Variants in MTPAP observed in about 807,000 individuals in gnomAD.
The protein encoded by MTPAP is mitochondrial poly(A) polymerase, also known as poly(A) RNA polymerase, mitochondrial.
MTPAP carries 23 observed loss-of-function variants against 48.7 expected under a neutral mutation model. That is an observed-to-expected ratio of 0.47 (90% CI 0.34 to 0.67). The LOEUF is 0.67. Among genes scored for constraint, MTPAP ranks in the 30% least tolerant of loss-of-function variants. The pLI, the probability that MTPAP is intolerant of heterozygous loss-of-function variation, is 0.01. For missense variants in MTPAP, 614 were observed against 694.3 expected, an observed-to-expected ratio of 0.88 and a Z score of 1.30; for synonymous variants, 257 against 254.1, an observed-to-expected ratio of 1.01 and a Z score of -0.11.
At chr10:30,322,843 A>C (rs926980041) in intron 5 of MTPAP, among the ~76,000 whole-genome samples, 1 of 152,170 alleles carries the variant, frequency 6.6e-6, no homozygotes, top group Non-Finnish European at 1.5e-5. Context: ...TAAAATTGAT[A>C]ATTAAAATGT....
Position 30,336,873 on chromosome 10 carries a change from A to G in MTPAP, c.710T>C (p.Phe237Ser). Residue 237 changes from phenylalanine (F) to serine (S), a missense_variant, in exon 4 of 9, where the codon TTT (phenylalanine) becomes TCT (serine). This residue lies in a region of MTPAP where 261 missense variants were observed against 355.4 expected (regional missense o/e 0.73). Transcript: ENST00000263063. ...VRPFGSSVNT[F>S]GKLGCDLDMF... The stretch of plus-strand genomic sequence containing the variant: ...GTCCAAATCACATCCTAACTTCCCA[A>G]AAGTGTTGACTGAGGAGCCAAAGGG... 3 of 1,612,908 alleles carry G rather than the reference A, an allele frequency of 1.9e-6. No homozygotes were observed. The highest frequency in any genetic ancestry group is 2.5e-6 in the Non-Finnish European group (3 of 1,180,020).
At chr10:30,339,170 A>C (rs1424780431) in intron 3 of MTPAP, among the ~76,000 whole-genome samples, 1 of 151,744 alleles carries the variant, frequency 6.6e-6, no homozygotes, top group Non-Finnish European at 1.5e-5. Context: ...AGACAAATAC[A>C]AACAATATTT....
At chr10:30,339,320 C>T (rs1363024938) in intron 3 of MTPAP, among the ~76,000 whole-genome samples, 1 of 151,864 alleles carries the variant, frequency 6.6e-6, no homozygotes, top group African/African-American at 2.4e-5. Context: ...AACTCCGTCA[C>T]TACTAAAAAT....
chr10:30,321,609 T>C (rs1035921646), intron 6 of MTPAP, among the ~76,000 whole-genome samples: 5 of 152,174 alleles, frequency 3.3e-5, no homozygotes, highest in Non-Finnish European at 5.9e-5. Flanking sequence ...CATGGAAAAC[T>C]GGGCCGTGTC....
In MTPAP at chr10:30,313,285, G is replaced by T; in HGVS notation, c.*324C>A. ...TTTATTTTCATTTTTTTTAGAGATG[G>T]AATCTTGCTATGTTGTCCACGATGG... On this transcript the variant is annotated 3_prime_UTR_variant, in exon 9 of 9. Transcript: ENST00000263063. The T allele has an allele frequency of 7.3e-6, 2 of 272,754 alleles. No homozygotes were observed. Among genetic ancestry groups the T allele is most frequent in the South Asian group, 6.1e-5 (1 of 16,510 alleles). The allele number at this position is 272,754 out of a possible 1,614,324, so 16.9% of individuals were successfully genotyped here. A position where few individuals can be genotyped will look rare whatever the true frequency, so the allele number is the denominator to read the frequency against.
At chr10:30,334,367 C>T (rs1834705094) in intron 4 of MTPAP, among the ~76,000 whole-genome samples, 1 of 152,016 alleles carries the variant, frequency 6.6e-6, no homozygotes, top group Non-Finnish European at 1.5e-5. Context: ...GGTAATTAAA[C>T]AATGTGGTTG....
intron 4 of MTPAP, among the ~76,000 whole-genome samples, chr10:30,330,180 T>C (rs919783417): frequency 6.6e-6 from 1 of 152,232 alleles, no homozygotes; most frequent in Admixed American, 6.5e-5. Flanking sequence ...TGATCTGTCA[T>C]TTAGATATTT....
chr10:30,345,453 G>T (rs1410951278), intron 1 of MTPAP, among the ~76,000 whole-genome samples: 2 of 152,080 alleles, frequency 1.3e-5, no homozygotes, highest in Non-Finnish European at 2.9e-5. Context: ...AAAGAGCAGG[G>T]ATTACATTTG....
intron 4 of MTPAP, among the ~76,000 whole-genome samples, chr10:30,327,844 TC>T (rs1834617287): frequency 1.7e-5 from 2 of 120,416 alleles, no homozygotes; most frequent in African/African-American, 5.9e-5. Context: ...AGACTCCATC[TC>T]AAAAAAAAAA....
chr10:30,326,902 C>T (rs1588715472), intron 4 of MTPAP, among the ~76,000 whole-genome samples: 1 of 152,284 alleles, frequency 6.6e-6, no homozygotes, highest in South Asian at 2.1e-4. Context: ...TTATGAACTA[C>T]AGTATAAAAT....
intron 8 of MTPAP, among the ~76,000 whole-genome samples, chr10:30,314,341 T>TA (rs1214569669): frequency 6.6e-6 from 1 of 152,128 alleles, no homozygotes; most frequent in African/African-American, 2.4e-5. Flanking sequence ...AAAAAATGAT[T>TA]AAAAAATCAG....
chr10:30,316,239 T>TG, intron 6 of MTPAP, 29 bp from the exon 7 acceptor site: 2 of 1,539,228 alleles, frequency 1.3e-6, no homozygotes, highest in Non-Finnish European at 1.8e-6. Flanking sequence ...ATATTTCACG[T>TG]GTTTTTTTTT....
At chr10:30,348,105 A>T (rs1415529588) in intron 1 of MTPAP, among the ~76,000 whole-genome samples, 1 of 152,218 alleles carries the variant, frequency 6.6e-6, no homozygotes, top group Non-Finnish European at 1.5e-5. Context: ...TACAAATGTT[A>T]AATTACAATA....
intron 1 of MTPAP, among the ~76,000 whole-genome samples, chr10:30,347,041 T>C (rs547239299): frequency 3.9e-5 from 6 of 152,356 alleles, no homozygotes; most frequent in African/African-American, 1.4e-4. Flanking sequence ...TTCTGGAGTT[T>C]GGTTACACAG....
chr10:30,342,226 ACT>A (rs976208561), intron 1 of MTPAP, among the ~76,000 whole-genome samples: 3 of 152,146 alleles, frequency 2.0e-5, no homozygotes, highest in African/African-American at 7.2e-5. Context: ...ACAGAGCGAG[ACT>A]CTGTCTCAAA....
intron 4 of MTPAP, among the ~76,000 whole-genome samples, chr10:30,330,570 G>A (rs923301661): frequency 6.6e-6 from 1 of 152,186 alleles, no homozygotes; most frequent in African/African-American, 2.4e-5. Context: ...AAAATGACAA[G>A]AAAAAATAGC....
intron 5 of MTPAP, among the ~76,000 whole-genome samples, chr10:30,324,714 A>G (rs1161903876): frequency 6.6e-6 from 1 of 152,216 alleles, no homozygotes. Flanking sequence ...AAAGAATAGA[A>G]GAAACAAGGC....
chr10:30,343,369 T>C (rs1027071493), intron 1 of MTPAP, among the ~76,000 whole-genome samples: 29 of 150,004 alleles, frequency 1.9e-4, no homozygotes, highest in African/African-American at 7.2e-4. Flanking sequence ...GATTGCACCA[T>C]TGCACTCCAG....
chr10:30,314,036 TAACTC>T (rs1840633265), intron 8 of MTPAP, 65 bp from the exon 9 acceptor site: 4 of 1,525,252 alleles, frequency 2.6e-6, no homozygotes, highest in Non-Finnish European at 3.6e-6. Context: ...TAAAAACAGT[TAACTC>T]AATAAAATGT....
Sources: gnomAD v4.1 joint callset for allele counts (sites outside exome capture counted in the v4.1 genomes callset) on GRCh38, gnomAD v4.1.1 for gene constraint, gnomAD v4.1.1 regional missense constraint, MANE v1.5 for transcripts, NCBI Gene and HGNC (gene_info 2026-07-23, HGNC 2026-07-21) for gene names.